Variants in GPHN observed in about 807,000 individuals in gnomAD.
GPHN encodes the protein gephyrin.
Under a neutral mutation model 95.5 loss-of-function variants are expected in GPHN, and 17 were observed. The observed-to-expected ratio is 0.18, with a 90% CI of 0.12 to 0.27. The LOEUF (loss-of-function observed/expected upper bound fraction) is 0.27, where lower values mean the gene tolerates loss of function less well. Among genes scored for constraint, GPHN ranks in the 10% least tolerant of loss-of-function variants. The pLI, the probability that GPHN is intolerant of heterozygous loss-of-function variation, is 1.00. For synonymous variants in GPHN, 320 were observed against 322.5 expected (o/e 0.99, Z 0.08); for missense variants, 660 against 978.1 (o/e 0.67, Z 4.34).
chr14:67,188,625 A>C, the GPHN span, among the ~76,000 whole-genome samples: 4 of 152,216 alleles, frequency 2.6e-5, no homozygotes, highest in Admixed American at 2.6e-4. Context: ...CACTCAACAT[A>C]GAATAGGCGA....
At chr14:66,677,262 G>T (rs776134992) in intron 1 of GPHN, among the ~76,000 whole-genome samples, 4 of 151,728 alleles carry the variant, frequency 2.6e-5, no homozygotes, top group Non-Finnish European at 4.4e-5. Flanking sequence ...GTGGGTTTTT[G>T]TCTCTATTTA....
At chr14:67,704,661 A>G in the GPHN span, among the ~76,000 whole-genome samples, 2 of 152,216 alleles carry the variant, frequency 1.3e-5, no homozygotes, top group Non-Finnish European at 2.9e-5. Flanking sequence ...GAGTGCCCTC[A>G]TGCGACTGGA....
chr14:66,731,956 C>T (rs1224211018), intron 2 of GPHN, among the ~76,000 whole-genome samples: 2 of 152,172 alleles, frequency 1.3e-5, no homozygotes, highest in East Asian at 3.9e-4. Context: ...GGTGCAAGCC[C>T]CAAGCCTTAG....
At chr14:67,252,921 G>C in the GPHN span, among the ~76,000 whole-genome samples, 1 of 152,174 alleles carries the variant, frequency 6.6e-6, no homozygotes, top group Non-Finnish European at 1.5e-5. Flanking sequence ...TTACTGGGAG[G>C]AAATCTAACA....
intron 2 of GPHN, among the ~76,000 whole-genome samples, chr14:66,732,520 G>T (rs1425663803): frequency 1.3e-5 from 2 of 152,170 alleles, no homozygotes; most frequent in Non-Finnish European, 1.5e-5. Flanking sequence ...AAAGTAACTA[G>T]CTTGGGTCCT....
At chr14:66,673,865 A>G (rs1400312851) in intron 1 of GPHN, among the ~76,000 whole-genome samples, 3 of 152,262 alleles carry the variant, frequency 2.0e-5, no homozygotes, top group South Asian at 4.1e-4. Context: ...TTTAGCTGAC[A>G]TGTAGTAATT....
chr14:67,507,155 C>G, the GPHN span, among the ~76,000 whole-genome samples: 1 of 152,026 alleles, frequency 6.6e-6, no homozygotes, highest in Non-Finnish European at 1.5e-5. Context: ...GGGGGTTATA[C>G]TCTCGCTAAC....
At chr14:66,545,702 A>T (rs1479847208) in intron 1 of GPHN, among the ~76,000 whole-genome samples, 2 of 82,112 alleles carry the variant, frequency 2.4e-5, no homozygotes, top group African/African-American at 9.9e-5. Context: ...GGCGCCCCTC[A>T]CCTCCCGGAC....
chr14:67,388,155 T>C, the GPHN span: 1 of 950,380 alleles, frequency 1.1e-6, no homozygotes, highest in Non-Finnish European at 1.7e-6. Flanking sequence ...ATTTCATTAG[T>C]GGGACATTAC....
chr14:66,957,956 C>T (rs1415855518), intron 8 of GPHN, among the ~76,000 whole-genome samples: 2 of 152,168 alleles, frequency 1.3e-5, no homozygotes, highest in South Asian at 2.1e-4. Context: ...TGAGGTGGAA[C>T]AGTTTTATCC....
chr14:66,539,252 G>A (rs113371499), intron 1 of GPHN, among the ~76,000 whole-genome samples: 79 of 152,076 alleles, frequency 5.2e-4, no homozygotes, highest in African/African-American at 1.6e-3. Context: ...TTTCTGGTAA[G>A]CACTGTAATA....
chr14:66,614,236 T>G (rs1022524243), intron 1 of GPHN, among the ~76,000 whole-genome samples: 7 of 152,130 alleles, frequency 4.6e-5, no homozygotes, highest in Non-Finnish European at 1.0e-4. Context: ...ACAATTATTA[T>G]TAGTAGTTTG....
At chr14:66,583,389 A>T (rs2140489608) in intron 1 of GPHN, among the ~76,000 whole-genome samples, 1 of 152,114 alleles carries the variant, frequency 6.6e-6, no homozygotes, top group Admixed American at 6.5e-5. Flanking sequence ...CTTTAGTTTA[A>T]TTAGATCCCA....
chr14:66,660,199 C>T (rs1307290834), intron 1 of GPHN, among the ~76,000 whole-genome samples: 1 of 151,932 alleles, frequency 6.6e-6, no homozygotes, highest in Non-Finnish European at 1.5e-5. Flanking sequence ...AATACAATTG[C>T]CTGAAATATT....
the GPHN span, among the ~76,000 whole-genome samples, chr14:67,211,734 G>T: frequency 6.6e-6 from 1 of 152,088 alleles, no homozygotes; most frequent in Non-Finnish European, 1.5e-5. Flanking sequence ...ACAAAACCCT[G>T]CCACCAAAAC....
rs149553989 is a variant in GPHN, at chr14:67,033,639, G to A, written c.1006+9964G>A. Among the ~76,000 whole-genome samples, 452 of 150,748 alleles carry A rather than the reference G, an allele frequency of 3.0e-3. 3 individuals are homozygous for A. The highest frequency in any genetic ancestry group is 0.011 in the African/African-American group (436 of 41,120). On this transcript the variant is annotated intron_variant, in intron 10 of 22. Coordinates refer to ENST00000478722, the MANE Select transcript of GPHN (RefSeq NM_020806.5). ...AGTGTATACATTATGAGAGTTCCAG[G>A]AGAAAAGGGACACCAAACTTATTTG...
Position 67,106,452 on chromosome 14 carries a change from G to T in GPHN, c.1294-3688G>T, listed in dbSNP as rs534775952. Among the ~76,000 whole-genome samples, 57 of 151,880 alleles carry T rather than the reference G, an allele frequency of 3.8e-4. 1 individual carries two copies. The South Asian group carries it at 0.012, about 31-fold the overall frequency. The stretch of plus-strand genomic sequence containing the variant: ...TAATATGAATATTTGTTCTTGTATG[G>T]TGTCCCATAAGTCTTACAAGCTTTC... On this transcript the variant is annotated intron_variant, in intron 13 of 22. Coordinates refer to ENST00000478722, the MANE Select transcript of GPHN (RefSeq NM_020806.5).
At chr14:67,060,060 A>G (rs1386847760) in intron 11 of GPHN, among the ~76,000 whole-genome samples, 1 of 152,252 alleles carries the variant, frequency 6.6e-6, no homozygotes, top group East Asian at 1.9e-4. Flanking sequence ...AAAAAAATTA[A>G]TAATACTTTA....
the GPHN span, among the ~76,000 whole-genome samples, chr14:67,256,603 A>T: frequency 6.6e-6 from 1 of 152,066 alleles, no homozygotes; most frequent in East Asian, 1.9e-4. Context: ...GCTGGAGTGC[A>T]GTGGTGTGAT....
Sources: gnomAD v4.1 joint callset for allele counts (sites outside exome capture counted in the v4.1 genomes callset) on GRCh38, gnomAD v4.1.1 for gene constraint, MANE v1.5 for transcripts, NCBI Gene and HGNC (gene_info 2026-07-23, HGNC 2026-07-21) for gene names.